RANBP9: variants seen among roughly 807,000 people sequenced by gnomAD.
RANBP9 encodes RAN binding protein 9.
In RANBP9, 15 loss-of-function variants were observed where a neutral mutation model predicts 84.3. The ratio of observed to expected loss-of-function variants is 0.18; its 90% CI spans 0.12 to 0.27. The LOEUF (loss-of-function observed/expected upper bound fraction) is 0.27. Ranked by LOEUF, RANBP9 falls within the 10% of genes least tolerant of loss-of-function variation. RANBP9 has a pLI of 1.00. For synonymous variants in RANBP9, 392 were observed against 349.6 expected, an observed-to-expected ratio of 1.12 and a Z score of -1.35; for missense variants, 809 against 912.8, an observed-to-expected ratio of 0.89 and a Z score of 1.46.
intron 5 of RANBP9, among the ~76,000 whole-genome samples, chr6:13,648,103 A>G (rs942842847): frequency 1.3e-5 from 2 of 149,886 alleles, no homozygotes; most frequent in Admixed American, 1.3e-4. Context: ...GACATTTTGC[A>G]TAAATGGAAC....
intron 1 of RANBP9, among the ~76,000 whole-genome samples, chr6:13,702,724 GA>G (rs916340153): frequency 1.4e-3 from 206 of 148,726 alleles, no homozygotes; most frequent in African/African-American, 4.4e-3. Flanking sequence ...AAAATTAGAA[GA>G]AAAAAAAAAT....
intron 5 of RANBP9, among the ~76,000 whole-genome samples, chr6:13,651,231 C>T (rs1765288478): frequency 6.6e-6 from 1 of 152,078 alleles, no homozygotes; most frequent in Non-Finnish European, 1.5e-5. Context: ...ATGCAGATTA[C>T]AACTGACAGT....
rs1322314383 is a variant in RANBP9 at position 13,657,266 on chromosome 6, C to G, written c.747G>C (p.Lys249Asn). 8 of 1,610,982 alleles carry G rather than the reference C, an allele frequency of 5.0e-6. No homozygotes were observed. The highest frequency in any genetic ancestry group is 6.8e-6 in the Non-Finnish European group (8 of 1,178,558). Reference protein sequence around the residue: ...VNMNRLPGWDKHSYGYHGDDG... With the variant: ...VNMNRLPGWDNHSYGYHGDDG... ...CATCCCCATGGTAACCATATGAATG[C>G]TTATCCCAACCTAAGGAGAAAGTTC... is the stretch of plus-strand genomic sequence containing the variant. The change falls in exon 4 of 14, where the codon AAG becomes AAC. Residue 249 changes from lysine to asparagine, a missense_variant. This residue lies in a region of RANBP9 where 56 missense variants were observed against 88.2 expected (regional missense o/e 0.63). Transcript: ENST00000011619.
chr6:13,630,952 G>C (rs554259776), intron 12 of RANBP9, among the ~76,000 whole-genome samples: 1 of 151,924 alleles, frequency 6.6e-6, no homozygotes, highest in African/African-American at 2.4e-5. Context: ...TGGGACTACC[G>C]GCGCCCGCCA....
intron 2 of RANBP9, among the ~76,000 whole-genome samples, chr6:13,678,489 G>A (rs1203908114): frequency 6.6e-6 from 1 of 152,196 alleles, no homozygotes; most frequent in African/African-American, 2.4e-5. Context: ...AACCAATCCT[G>A]AGTCTACAGC....
At chr6:13,652,178 T>C (rs140103088) in intron 5 of RANBP9, among the ~76,000 whole-genome samples, 62 of 152,338 alleles carry the variant, frequency 4.1e-4, no homozygotes, top group African/African-American at 1.4e-3. Flanking sequence ...CCTTAAAATA[T>C]GTTCTACTTT....
chr6:13,653,447 T>A (rs770554927), intron 4 of RANBP9, among the ~76,000 whole-genome samples: 1 of 152,178 alleles, frequency 6.6e-6, no homozygotes, highest in Non-Finnish European at 1.5e-5. Flanking sequence ...TGTAGATATA[T>A]TTTTAAAGAT....
intron 9 of RANBP9, among the ~76,000 whole-genome samples, chr6:13,638,490 A>T (rs995460744): frequency 1.4e-4 from 21 of 152,196 alleles, no homozygotes; most frequent in African/African-American, 4.8e-4. Context: ...CATCTTGGGA[A>T]ATGCAGAATT....
At chr6:13,652,821 AT>A in intron 4 of RANBP9, 140 bp from the exon 5 acceptor site, 2 of 680,624 alleles carry the variant, frequency 2.9e-6, no homozygotes, top group Non-Finnish European at 4.9e-6. Flanking sequence ...AACAAGACTA[AT>A]TTTTAATCAA....
At chr6:13,656,482 T>C (rs1270751320) in intron 4 of RANBP9, among the ~76,000 whole-genome samples, 1 of 152,174 alleles carries the variant, frequency 6.6e-6, no homozygotes, top group Non-Finnish European at 1.5e-5. Context: ...ACATGAATAG[T>C]CCACTGAAAA....
chr6:13,630,843 A>ATT (rs879343525), intron 12 of RANBP9, among the ~76,000 whole-genome samples: 1 of 144,876 alleles, frequency 6.9e-6, no homozygotes. Flanking sequence ...TCATTTTTCT[A>ATT]TTTTTTTTTT....
intron 2 of RANBP9, among the ~76,000 whole-genome samples, chr6:13,691,713 C>T (rs1015344639): frequency 6.6e-6 from 1 of 151,928 alleles, no homozygotes; most frequent in South Asian, 2.1e-4. Context: ...TCACCTGGGA[C>T]GGAGTGCAGT....
intron 7 of RANBP9, among the ~76,000 whole-genome samples, chr6:13,641,534 G>A (rs1316140966): frequency 1.3e-5 from 2 of 151,484 alleles, no homozygotes; most frequent in Admixed American, 6.6e-5. Flanking sequence ...TTAAAATCAC[G>A]AACATACGAG....
intron 2 of RANBP9, among the ~76,000 whole-genome samples, chr6:13,679,120 T>C (rs1312340327): frequency 6.6e-6 from 1 of 152,190 alleles, no homozygotes; most frequent in Non-Finnish European, 1.5e-5. Context: ...TATCTCTCTC[T>C]ACACTGCACC....
chr6:13,711,377 G>A lies in RANBP9; in HGVS notation c.129C>T (p.Ala43=), dbSNP rs1381927557. The part of the protein sequence containing the change: ...VVLPAPPAVS[A]GSSPAGSPGG... ...CGGGCGAGCCGGCCGGAGAAGAGCC[G>A]GCGCTGACGGCCGGGGGCGCCGGCA... Residue 43 remains alanine, a synonymous_variant, in exon 1 of 14, where the codon GCC becomes GCT. Coordinates refer to ENST00000011619, the MANE Select transcript of RANBP9 (RefSeq NM_005493.3). The A allele has an allele frequency of 1.0e-5, 12 of 1,167,928 alleles. No homozygotes were observed. The highest frequency in any genetic ancestry group is 1.3e-5 in the Non-Finnish European group (12 of 947,222). 72.3% of individuals were successfully genotyped at this position (1,167,928 alleles called of 1,614,324 possible). A position where few individuals can be genotyped will look rare whatever the true frequency, so the allele number is the denominator to read the frequency against.
chr6:13,689,128 G>A (rs956505345), intron 2 of RANBP9, among the ~76,000 whole-genome samples: 1 of 151,958 alleles, frequency 6.6e-6, no homozygotes, highest in Non-Finnish European at 1.5e-5. Context: ...CTGTACTACA[G>A]CCTGGGTGAC....
Position 13,682,734 on chromosome 6 carries a change from G to A in RANBP9, c.683+14051C>T, listed in dbSNP as rs150696929. On this transcript the variant is annotated intron_variant, in intron 2 of 13. Transcript: ENST00000011619. ...CCCAAATTACTGATATTTTAATTTG[G>A]CAATGTATCAAGATATTCTAGGCTA... is the stretch of plus-strand genomic sequence containing the variant. Among the ~76,000 whole-genome samples, 504 of 152,194 alleles carry A rather than the reference G, an allele frequency of 3.3e-3. 2 individuals carry two copies. The highest frequency in any genetic ancestry group is 0.012 in the African/African-American group (490 of 41,520).
intron 2 of RANBP9, among the ~76,000 whole-genome samples, chr6:13,665,781 A>C (rs1436918082): frequency 1.3e-5 from 2 of 152,234 alleles, no homozygotes; most frequent in African/African-American, 2.4e-5. Context: ...CTCAGCAACA[A>C]AAACAAAAAT....
At position 13,634,410 on chromosome 6, in the gene RANBP9, G is replaced by C. The variant is rs761148385; in HGVS notation, c.1795+21C>G. 4 of 1,604,062 alleles carry C rather than the reference G, an allele frequency of 2.5e-6. No individual in the cohort carries two copies. In the Admixed American group the frequency reaches 6.8e-5, roughly 27 times the overall value. On this transcript the variant is annotated intron_variant, in intron 11 of 13. Coordinates refer to ENST00000011619, the MANE Select transcript of RANBP9 (RefSeq NM_005493.3). ...GTAGCCATCATTTTTTATTAAAAATGTAAGAAATATCACTGCAGACCCATT... is the reference window on the plus strand; with the variant it reads ...GTAGCCATCATTTTTTATTAAAAATCTAAGAAATATCACTGCAGACCCATT...
Sources: allele counts gnomAD v4.1 joint callset (sites outside exome capture counted in the v4.1 genomes callset), GRCh38; gene constraint gnomAD v4.1.1; regional missense constraint gnomAD v4.1.1; transcripts MANE v1.5; gene names NCBI Gene and HGNC (gene_info 2026-07-23, HGNC 2026-07-21).